Variants in UBR4 observed in about 807,000 individuals in gnomAD.
UBR4 encodes E3 ubiquitin-protein ligase UBR4.
UBR4 carries 124 observed loss-of-function variants against 575.6 expected under a neutral mutation model. That is an observed-to-expected ratio of 0.22 (90% confidence interval 0.19 to 0.25). The LOEUF (loss-of-function observed/expected upper bound fraction) is 0.25. UBR4 is among the 10% of genes least tolerant of loss of function. UBR4 has a pLI of 1.00. For missense variants in UBR4, 4,818 were observed against 6,478.8 expected, an observed-to-expected ratio of 0.74 and a Z score of 8.80; for synonymous variants, 2,455 against 2,473.7, an observed-to-expected ratio of 0.99 and a Z score of 0.22.
chr1:19,087,641 G>T (rs560589991), intron 99 of UBR4, among the ~76,000 whole-genome samples, 175 bp downstream of exon 99: 37 of 152,314 alleles, frequency 2.4e-4, no homozygotes, highest in African/African-American at 7.9e-4. Flanking sequence ...CTAAAGTTCG[G>T]ATGAGCTCGC....
intron 66 of UBR4, 102 bp from the exon 67 acceptor site, chr1:19,122,114 C>G (rs7535738): frequency 0.62 from 709,212 of 1,142,362 alleles, 223,430 homozygotes; most frequent in East Asian, 0.82. Flanking sequence ...TTGGACTACA[C>G]CTGAACATGA....
At chr1:19,167,316 C>A in intron 28 of UBR4, 85 bp from the exon 29 acceptor site, 3 of 1,476,096 alleles carry the variant, frequency 2.0e-6, no homozygotes, top group South Asian at 1.2e-5. Context: ...CAATTACTTG[C>A]CGGGGAAGAG....
At chr1:19,123,217 C>T (rs913263112) in intron 65 of UBR4, among the ~76,000 whole-genome samples, 157 bp from the exon 66 acceptor site, 2 of 152,056 alleles carry the variant, frequency 1.3e-5, no homozygotes, top group African/African-American at 4.8e-5. Flanking sequence ...TTTGGAATGC[C>T]GAGGTGGGCT....
chr1:19,190,356 CTT>C (rs2091976549), intron 11 of UBR4, among the ~76,000 whole-genome samples: 1 of 141,494 alleles, frequency 7.1e-6, no homozygotes, highest in Non-Finnish European at 1.5e-5. Flanking sequence ...GTTCATGTCT[CTT>C]GAGAATATGT....
intron 11 of UBR4, among the ~76,000 whole-genome samples, chr1:19,189,850 T>C (rs2091902343): frequency 6.6e-6 from 1 of 152,204 alleles, no homozygotes; most frequent in Non-Finnish European, 1.5e-5. Flanking sequence ...TGGAACACTC[T>C]TACCTCCTTA....
chr1:19,135,653 A>G (rs2083120888), intron 60 of UBR4, among the ~76,000 whole-genome samples: 1 of 152,186 alleles, frequency 6.6e-6, no homozygotes, highest in African/African-American at 2.4e-5. Context: ...CAAGAAATTT[A>G]TAAATAATTA....
At chr1:19,079,782 C>T (rs955789166) in intron 103 of UBR4, 1 of 152,288 alleles carries the variant, frequency 6.6e-6, no homozygotes, top group Non-Finnish European at 1.5e-5. Context: ...GGGCTCACGG[C>T]CCCGGACCAC....
chr1:19,161,197 G>A, intron 37 of UBR4, 50 bp from the exon 38 acceptor site: 1 of 1,545,710 alleles, frequency 6.5e-7, no homozygotes, highest in Non-Finnish European at 8.9e-7. Context: ...CAAGCACAGA[G>A]GAAATACTGC....
intron 48 of UBR4, chr1:19,151,238 G>C: frequency 3.0e-6 from 1 of 329,096 alleles, no homozygotes; most frequent in Non-Finnish European, 5.7e-6. Flanking sequence ...TGTATTCTGA[G>C]AGTTTAGTTT....
intron 71 of UBR4, chr1:19,118,274 T>C (rs527676066): frequency 1.1e-5 from 2 of 179,648 alleles, no homozygotes; most frequent in East Asian, 1.6e-4. Context: ...AAATTTTTTT[T>C]AAAGAACAGT....
Position 19,152,271 on chromosome 1 carries a change from C to T in UBR4, c.6996+42G>A, listed in dbSNP as rs758210216. On this transcript the variant is annotated intron_variant, in intron 47 of 105. Coordinates refer to ENST00000375254, the MANE Select transcript of UBR4 (RefSeq NM_020765.3). The surrounding 1 kb of genome is among the most constrained non-coding windows in gnomAD (Gnocchi z 4.4). ...TGTTCTCAAACCATATTGTTTGAGT[C>T]CTTCTACCCAGGGATTGATCCCAGC... The T allele has an allele frequency of 1.9e-6, 3 of 1,608,446 alleles. No individual in the cohort carries two copies. Among genetic ancestry groups the T allele is most frequent in the South Asian group, 2.2e-5 (2 of 90,694 alleles).
At chr1:19,170,949 C>T in intron 25 of UBR4, 66 bp from the exon 26 acceptor site, 1 of 1,608,094 alleles carries the variant, frequency 6.2e-7, no homozygotes, top group African/African-American at 1.3e-5. Flanking sequence ...GAAAAACTGG[C>T]CCTAGACTGG....
chr1:19,168,804 C>T (rs1167038420), intron 27 of UBR4, among the ~76,000 whole-genome samples: 2 of 151,954 alleles, frequency 1.3e-5, no homozygotes, highest in African/African-American at 4.8e-5. Context: ...AGTGAAACCC[C>T]GTCTCTACTA....
chr1:19,123,004 G>A lies in UBR4; in HGVS notation c.9645C>T (p.Leu3215=). 1 of 1,614,208 alleles carries A rather than the reference G, an allele frequency of 6.2e-7. No individual in the cohort carries two copies. The highest frequency in any genetic ancestry group is 8.5e-7 in the Non-Finnish European group (1 of 1,180,034). ...FVRRQVRKLL[L]FICGSKEKYR... ...ACTTCTCTTTGGATCCACAGATGAA[G>A]AGCAGAAGTTTGCGGACTTGACGGC... Residue 3215 remains leucine (L), a synonymous_variant, in exon 66 of 106, where the codon CTC becomes CTT. Transcript: ENST00000375254.
At chr1:19,179,342 AC>A in intron 17 of UBR4, 122 bp from the exon 18 acceptor site, 1 of 1,083,494 alleles carries the variant, frequency 9.2e-7, no homozygotes, top group South Asian at 2.7e-5. Flanking sequence ...AGAAAGAAGG[AC>A]CCAGAAATTC....
chr1:19,118,798 G>T, intron 71 of UBR4, 74 bp downstream of exon 71: 1 of 1,463,180 alleles, frequency 6.8e-7, no homozygotes, highest in Non-Finnish European at 9.6e-7. Flanking sequence ...CTATGTAAGA[G>T]CCTATCACCA....
At chr1:19,121,167 A>C in intron 68 of UBR4, 22 bp downstream of exon 68, 1 of 1,610,332 alleles carries the variant, frequency 6.2e-7, no homozygotes, top group Non-Finnish European at 8.5e-7. Context: ...TGTAGTCACA[A>C]TGACAAGAGG....
chr1:19,201,604 G>C, intron 2 of UBR4, 114 bp downstream of exon 2: 1 of 827,464 alleles, frequency 1.2e-6, no homozygotes, highest in Admixed American at 2.5e-5. Flanking sequence ...GAGCAGCTTA[G>C]GAGTGCTAAA....
intron 29 of UBR4, among the ~76,000 whole-genome samples, 160 bp downstream of exon 29, chr1:19,166,862 C>T (rs566817155): frequency 6.6e-6 from 1 of 151,654 alleles, no homozygotes; most frequent in East Asian, 1.9e-4. Context: ...CCCCACTGCA[C>T]TCCACCCTGG....
Sources: allele counts gnomAD v4.1 joint callset (sites outside exome capture counted in the v4.1 genomes callset), GRCh38; gene constraint gnomAD v4.1.1; non-coding constraint Gnocchi (gnomAD v3.1); transcripts MANE v1.5; gene names NCBI Gene and HGNC (gene_info 2026-07-23, HGNC 2026-07-21).